TMC1: variants seen among roughly 807,000 people sequenced by gnomAD.
TMC1 encodes the protein transmembrane channel-like protein 1.
Under a neutral mutation model 105.8 loss-of-function variants are expected in TMC1, and 84 were observed. That is an observed-to-expected ratio of 0.79 (90% CI 0.67 to 0.95). The LOEUF (loss-of-function observed/expected upper bound fraction) is 0.95. Among genes scored for constraint, TMC1 ranks in the 40% least tolerant of loss-of-function variants. TMC1 has a pLI of 0.00. For synonymous variants in TMC1, 315 were observed against 311.5 expected, an observed-to-expected ratio of 1.01 and a Z score of -0.12; for missense variants, 817 against 914.1, an observed-to-expected ratio of 0.89 and a Z score of 1.37.
intron 17 of TMC1, among the ~76,000 whole-genome samples, chr9:72,803,210 A>G (rs2118231831): frequency 6.6e-6 from 1 of 152,330 alleles, no homozygotes; most frequent in Admixed American, 6.5e-5. Context: ...CCCCGTCTAT[A>G]CACCTTATAC....
intron 7 of TMC1, among the ~76,000 whole-genome samples, chr9:72,699,444 C>T (rs933716415): frequency 3.3e-5 from 5 of 152,052 alleles, no homozygotes; most frequent in Admixed American, 6.6e-5. Flanking sequence ...ATTTTTCTTT[C>T]TTTCTTTCTC....
At chr9:72,820,722 G>C (rs1828854625) in intron 19 of TMC1, 120 bp from the exon 20 acceptor site, 3 of 1,243,040 alleles carry the variant, frequency 2.4e-6, no homozygotes, top group Admixed American at 3.5e-5. Context: ...TTGTCTGGTT[G>C]AAAGTGGCAG....
intron 17 of TMC1, among the ~76,000 whole-genome samples, chr9:72,795,804 T>A (rs560042400): frequency 3.7e-4 from 57 of 152,050 alleles, no homozygotes; most frequent in South Asian, 1.0e-3. Flanking sequence ...TTAATACTAA[T>A]CTTGAATGTA....
chr9:72,762,271 G>T (rs996420505), intron 12 of TMC1, among the ~76,000 whole-genome samples: 4 of 152,118 alleles, frequency 2.6e-5, no homozygotes, highest in Admixed American at 2.6e-4. Flanking sequence ...CATTATCTAG[G>T]TAGTGGTTGG....
chr9:72,659,889 G>A (rs914384092), intron 5 of TMC1, among the ~76,000 whole-genome samples: 2 of 152,106 alleles, frequency 1.3e-5, no homozygotes, highest in Admixed American at 1.3e-4. Flanking sequence ...GATGTTAGTC[G>A]GGGTTTCTGT....
At chr9:72,827,021 G>C in intron 21 of TMC1, 27 bp downstream of exon 21, 1 of 1,613,678 alleles carries the variant, frequency 6.2e-7, no homozygotes, top group East Asian at 2.2e-5. Context: ...CTCATAGAAA[G>C]AGCCTCTGTG....
intron 2 of TMC1, among the ~76,000 whole-genome samples, chr9:72,607,615 CAAAAA>C (rs1156416280): frequency 1.8e-5 from 1 of 55,138 alleles, no homozygotes; most frequent in Admixed American, 2.2e-4. Flanking sequence ...GAGTCTGCCT[CAAAAA>C]AAAAAAAAAA....
chr9:72,525,919 T>G (rs191842304), intron 1 of TMC1, among the ~76,000 whole-genome samples: 262 of 149,796 alleles, frequency 1.7e-3, no homozygotes, highest in African/African-American at 6.2e-3. Context: ...ACCTGGGAGG[T>G]GGAGGTTGCA....
At chr9:72,752,803 G>A (rs1471313855) in intron 11 of TMC1, among the ~76,000 whole-genome samples, 1 of 152,098 alleles carries the variant, frequency 6.6e-6, no homozygotes, top group Non-Finnish European at 1.5e-5. Context: ...TTTTTATCCC[G>A]ATAGCTTCAA....
intron 13 of TMC1, among the ~76,000 whole-genome samples, chr9:72,786,399 G>T (rs1009557702): frequency 6.6e-6 from 1 of 152,130 alleles, no homozygotes; most frequent in Non-Finnish European, 1.5e-5. Context: ...AGCCGAGATC[G>T]CGCCACTGCA....
intron 1 of TMC1, among the ~76,000 whole-genome samples, chr9:72,552,153 G>T (rs1417632991): frequency 2.0e-5 from 3 of 152,126 alleles, no homozygotes; most frequent in Non-Finnish European, 4.4e-5. Flanking sequence ...GAAGGGTCCT[G>T]GTCCATAATA....
At chr9:72,708,971 G>C (rs1436720480) in intron 8 of TMC1, among the ~76,000 whole-genome samples, 1 of 151,008 alleles carries the variant, frequency 6.6e-6, no homozygotes, top group Non-Finnish European at 1.5e-5. Flanking sequence ...ATGGGATGCT[G>C]GTTTTTGTCA....
chr9:72,585,324 G>A (rs1824538881), intron 2 of TMC1, among the ~76,000 whole-genome samples: 1 of 144,326 alleles, frequency 6.9e-6, no homozygotes, highest in African/African-American at 2.7e-5. Context: ...CTAATTTTTT[G>A]TACTTTTAGT....
In TMC1 at chr9:72,773,797, C is replaced by T. The variant is rs144407621; in HGVS notation, c.884+1242C>T. Reference sequence around the variant, plus strand: ...ATGTCTGATGACTCAGCTTTTATTCCGGTAACTGTGCAGGCTGTGTACCCC... The same window carrying T: ...ATGTCTGATGACTCAGCTTTTATTCTGGTAACTGTGCAGGCTGTGTACCCC... On this transcript the variant is annotated intron_variant, in intron 13 of 23. Transcript: ENST00000297784. Among the ~76,000 whole-genome samples, 274 of 152,168 alleles carry T rather than the reference C, an allele frequency of 1.8e-3. 1 individual carries two copies. The highest frequency in any genetic ancestry group is 1.9e-3 in the Non-Finnish European group (128 of 67,990).
chr9:72,782,196 A>C (rs1267393671), intron 13 of TMC1, among the ~76,000 whole-genome samples: 1 of 152,206 alleles, frequency 6.6e-6, no homozygotes, highest in African/African-American at 2.4e-5. Flanking sequence ...CATAAACAGA[A>C]TGAAAAACAG....
chr9:72,781,298 C>A (rs1828090086), intron 13 of TMC1, among the ~76,000 whole-genome samples: 1 of 152,116 alleles, frequency 6.6e-6, no homozygotes, highest in African/African-American at 2.4e-5. Context: ...ATACCAGAAT[C>A]TTTGGGACCC....
At chr9:72,805,889 G>A (rs904301864) in intron 18 of TMC1, among the ~76,000 whole-genome samples, 4 of 152,072 alleles carry the variant, frequency 2.6e-5, no homozygotes, top group African/African-American at 9.7e-5. Context: ...AGGATCCCAC[G>A]GCAGAAGAAG....
intron 8 of TMC1, among the ~76,000 whole-genome samples, chr9:72,726,275 A>C (rs1354756631): frequency 1.3e-5 from 2 of 152,328 alleles, no homozygotes; most frequent in East Asian, 3.9e-4. Flanking sequence ...TTACCTATAT[A>C]TTTATATATG....
In TMC1 at chr9:72,570,166, C is replaced by T. The variant is rs549963652; in HGVS notation, c.-427-7736C>T. ...TTAGTTAGTTATTGGCTTCTGAGAACGTAACTGCAGTTTTTTTCTTTCCCT... is the reference window on the plus strand; with the variant it reads ...TTAGTTAGTTATTGGCTTCTGAGAATGTAACTGCAGTTTTTTTCTTTCCCT... On this transcript the variant is annotated intron_variant, in intron 1 of 23. Transcript: ENST00000297784. 1.9e-3 allele frequency among the ~76,000 whole-genome samples: 288 copies of T among 151,040 alleles called. 2 individuals are homozygous for T. The highest frequency in any genetic ancestry group is 5.6e-3 in the African/African-American group (231 of 41,088).
Sources: gnomAD v4.1 joint callset for allele counts (sites outside exome capture counted in the v4.1 genomes callset) on GRCh38, gnomAD v4.1.1 for gene constraint, MANE v1.5 for transcripts, NCBI Gene and HGNC (gene_info 2026-07-23, HGNC 2026-07-21) for gene names.